The following HTR2B variants were observed in gnomAD, a reference collection of about 807,000 sequenced individuals.
HTR2B encodes 5-HT 2B receptor.
In HTR2B, 31 loss-of-function variants were observed where a neutral mutation model predicts 39.8. The ratio of observed to expected loss-of-function variants is 0.78; its 90% CI spans 0.58 to 1.05. The LOEUF is 1.05. HTR2B is among the 50% of genes least tolerant of loss of function. HTR2B has a pLI of 0.00. For synonymous variants in HTR2B, 210 were observed against 207.1 expected (o/e 1.01, Z -0.12); for missense variants, 562 against 578.0 (o/e 0.97, Z 0.28).
intron 2 of HTR2B, among the ~76,000 whole-genome samples, chr2:231,121,426 TA>T (rs1298174652): frequency 1.3e-5 from 2 of 152,172 alleles, no homozygotes; most frequent in South Asian, 4.1e-4. Flanking sequence ...GAAATAATAT[TA>T]AAATGTCTAT....
intron 2 of HTR2B, 91 bp from the exon 3 acceptor site, chr2:231,114,020 T>G: frequency 1.0e-6 from 1 of 983,994 alleles, no homozygotes; most frequent in South Asian, 1.4e-5. Flanking sequence ...TTTTGTCTTT[T>G]TTGTTACTCA....
At position 231,109,535 on chromosome 2, in the gene HTR2B, A is replaced by G. The variant is rs150969444; in HGVS notation, c.554-126T>C. The G allele has an allele frequency of 1.7e-3, 1,394 of 800,028 alleles. 44 individuals carry two copies. The East Asian group carries it at 0.036, about 21-fold the overall frequency. 49.6% of individuals were successfully genotyped at this position (800,028 alleles called of 1,614,324 possible). On this transcript the variant is annotated intron_variant, in intron 3 of 3. Transcript: ENST00000258400. ...TGCATTATAATTCCTGGGACCCACA[A>G]TGCAGGATTTGTCGAAGCATTCATC...
At chr2:231,117,962 G>A (rs1049837645) in intron 2 of HTR2B, among the ~76,000 whole-genome samples, 1 of 152,084 alleles carries the variant, frequency 6.6e-6, no homozygotes, top group African/African-American at 2.4e-5. Context: ...GTTTTGGCTG[G>A]TCAGATTTCT....
At position 231,116,284 on chromosome 2, in the gene HTR2B, C is replaced by A. The variant is rs970316003; in HGVS notation, c.353-2355G>T. ...TGAGGGTACATCTTGAGCTGAAGTT[C>A]TAGATTTAGGACTGTAAGTAGGGTG... On this transcript the variant is annotated intron_variant, in intron 2 of 3. Transcript: ENST00000258400. 3.3e-5 allele frequency among the ~76,000 whole-genome samples: 5 copies of A among 152,158 alleles called. No individual in the cohort carries two copies. The East Asian group carries it at 5.8e-4, about 18-fold the overall frequency.
rs142505353 is a variant in HTR2B, at chr2:231,109,463, C to T, written c.554-54G>A. 2,112 of 1,428,064 alleles carry T rather than the reference C, an allele frequency of 1.5e-3. 30 individuals are homozygous for T. The African/African-American group carries it at 0.026, about 17-fold the overall frequency. 88.5% of individuals were successfully genotyped at this position (1,428,064 alleles called of 1,614,324 possible). ...AGTCATTTTATGACCTGTAACTCTT[C>T]GATTAGATCCTTTTGGATTGTATCC... On this transcript the variant is annotated intron_variant, in intron 3 of 3. Coordinates refer to ENST00000258400, the MANE Select transcript of HTR2B (RefSeq NM_000867.5).
chr2:231,119,637 G>A (rs760847356), intron 2 of HTR2B, among the ~76,000 whole-genome samples: 4 of 152,014 alleles, frequency 2.6e-5, no homozygotes, highest in Non-Finnish European at 5.9e-5. Flanking sequence ...TTGGGAGGCC[G>A]AGGCAGGTGG....
In HTR2B at chr2:231,123,516, C is replaced by A; in HGVS notation, c.249G>T (p.Lys83Asn). 6.2e-7 allele frequency: 1 copy of A among 1,614,038 alleles called. No homozygotes were observed. The change falls in exon 2 of 4, where the codon AAG becomes AAT. Residue 83 changes from lysine (K) to asparagine (N), a missense_variant. Physicochemically the swap from Lys to Asn is moderately conservative, Grantham distance 94 (BLOSUM62 0). Transcript: ENST00000258400. ...AGTAATTAGTAGCATACTGCAGCTT[C>A]TTCTCCAGTGAAACAGCCAGAATAA... The part of the protein sequence containing the change: ...TLVILAVSLE[K>N]KLQYATNYFL...
chr2:231,108,657 C>T lies in HTR2B; in HGVS notation c.1306G>A (p.Gly436Arg). Residue 436 changes from glycine to arginine, a missense_variant, in exon 4 of 4, where the codon GGG becomes AGG. Coordinates refer to ENST00000258400, the MANE Select transcript of HTR2B (RefSeq NM_000867.5). The part of the protein sequence containing the change: ...KFFKKHGIRN[G>R]INPAMYQSPM... ...CTCTGGTACATGGCAGGGTTAATCC[C>T]ATTTCGAATTCCATGTTTCTTGAAA... 1 of 1,614,078 alleles carries T rather than the reference C, an allele frequency of 6.2e-7. No homozygotes were observed. Among genetic ancestry groups the T allele is most frequent in the South Asian group, 1.1e-5 (1 of 91,080 alleles).
rs1425479673 is a variant in HTR2B at position 231,123,882 on chromosome 2, T to G, written c.-118A>C. ...CATGCCAAACACTCAAAAGCCAAAG[T>G]TGACACCTTCCTTTAAAAAAAAAAA... is the stretch of plus-strand genomic sequence containing the variant. On this transcript the variant is annotated 5_prime_UTR_variant, in exon 2 of 4. Coordinates refer to ENST00000258400, the MANE Select transcript of HTR2B (RefSeq NM_000867.5). The G allele has an allele frequency of 1.2e-5, 10 of 805,698 alleles. No individual in the cohort carries two copies. In the African/African-American group the frequency reaches 1.4e-4, roughly 11 times the overall value. The allele number at this position is 805,698 out of a possible 1,614,324, so 49.9% of individuals were successfully genotyped here. A position where few individuals can be genotyped will look rare whatever the true frequency, so the allele number is the denominator to read the frequency against.
chr2:231,113,748 C>T lies in HTR2B; in HGVS notation c.534G>A (p.Val178=). Residue 178 remains valine, a synonymous_variant, in exon 3 of 4, where the codon GTG becomes GTA. Coordinates refer to ENST00000258400, the MANE Select transcript of HTR2B (RefSeq NM_000867.5). ...ACATACCTATTGAAATTAACCACAC[C>T]ACTGTAATCTTGATGAATGCTGTAG... The part of the protein sequence containing the change: ...SRATAFIKIT[V]VWLISIGIAI... 6.2e-7 allele frequency: 1 copy of T among 1,613,980 alleles called. No individual in the cohort carries two copies.
intron 2 of HTR2B, among the ~76,000 whole-genome samples, chr2:231,123,102 CT>C (rs1695602417): frequency 6.6e-6 from 1 of 151,920 alleles, no homozygotes; most frequent in Non-Finnish European, 1.5e-5. Flanking sequence ...AAGTATAGGC[CT>C]ATTTACTATA....
intron 3 of HTR2B, among the ~76,000 whole-genome samples, chr2:231,110,018 T>A (rs1029724503): frequency 9.9e-5 from 15 of 152,228 alleles, no homozygotes; most frequent in Middle Eastern, 3.2e-3. Context: ...GTTCTTAATC[T>A]TTCTTCTTCT....
At chr2:231,123,100 G>T (rs1695602228) in intron 2 of HTR2B, among the ~76,000 whole-genome samples, 1 of 152,000 alleles carries the variant, frequency 6.6e-6, no homozygotes, top group African/African-American at 2.4e-5. Flanking sequence ...TAAAGTATAG[G>T]CCTATTTACT....
intron 2 of HTR2B, 78 bp from the exon 3 acceptor site, chr2:231,114,007 A>G: frequency 8.7e-7 from 1 of 1,153,446 alleles, no homozygotes. Context: ...CAGGTGATAC[A>G]TCTTTTGTCT....
rs1035771107 is a variant in HTR2B, at chr2:231,119,616, A to G, written c.352+3797T>C. 5.9e-5 allele frequency among the ~76,000 whole-genome samples: 9 copies of G among 152,176 alleles called. No individual in the cohort carries two copies. In the South Asian group the frequency reaches 1.9e-3, roughly 32 times the overall value. Reference sequence around the variant, plus strand: ...CCAGGTTTGGTGGCTCATGTCTGTAATCCCAACACTTTGGGAGGCCGAGGC... The same window carrying G: ...CCAGGTTTGGTGGCTCATGTCTGTAGTCCCAACACTTTGGGAGGCCGAGGC... On this transcript the variant is annotated intron_variant, in intron 2 of 3. Coordinates refer to ENST00000258400, the MANE Select transcript of HTR2B (RefSeq NM_000867.5).
At chr2:231,115,162 G>A (rs28421240) in intron 2 of HTR2B, among the ~76,000 whole-genome samples, 12,453 of 151,950 alleles carry the variant, frequency 0.082, 643 homozygotes, top group South Asian at 0.21. Flanking sequence ...AAGGAGCCTG[G>A]GGGTGGAGAG....
At position 231,109,283 on chromosome 2, in the gene HTR2B, A is replaced by G. The variant is rs1316228686; in HGVS notation, c.680T>C (p.Phe227Ser). The G allele has an allele frequency of 6.2e-7, 1 of 1,614,044 alleles. No individual in the cohort carries two copies. The highest frequency in any genetic ancestry group is 1.3e-5 in the African/African-American group (1 of 74,942). ...GACAATCATAATTGCAAGAGGTGTG[A>G]AGAAGGCAGCCAGTGAGCCAAAGAG... ...FMLFGSLAAFFTPLAIMIVTY... is the reference protein window; with the variant it reads ...FMLFGSLAAFSTPLAIMIVTY... The change falls in exon 4 of 4, where the codon TTC becomes TCC. Residue 227 changes from phenylalanine to serine, a missense_variant. Physicochemically the swap from Phe to Ser is radical, Grantham distance 155. Transcript: ENST00000258400.
Position 231,123,519 on chromosome 2 carries a change from C to A in HTR2B, c.246G>T (p.Glu82Asp). ...AATTAGTAGCATACTGCAGCTTCTT[C>A]TCCAGTGAAACAGCCAGAATAACAA... ...NTLVILAVSL[E>D]KKLQYATNYF... The change falls in exon 2 of 4, where the codon GAG (glutamate) becomes GAT (aspartate). Residue 82 changes from glutamate (E) to aspartate (D), a missense_variant. Glu to Asp is a conservative substitution (Grantham distance 45). Transcript: ENST00000258400. 6.2e-7 allele frequency: 1 copy of A among 1,614,068 alleles called. No homozygotes were observed. Among genetic ancestry groups the A allele is most frequent in the Non-Finnish European group, 8.5e-7 (1 of 1,179,920 alleles).
intron 2 of HTR2B, among the ~76,000 whole-genome samples, chr2:231,123,086 A>C (rs1306066928): frequency 1.3e-5 from 2 of 152,202 alleles, no homozygotes; most frequent in Non-Finnish European, 2.9e-5. Flanking sequence ...CAGTGTAGAA[A>C]AGTTAAAGTA....
Sources: allele counts gnomAD v4.1 joint callset (sites outside exome capture counted in the v4.1 genomes callset), GRCh38; gene constraint gnomAD v4.1.1; transcripts MANE v1.5; gene names NCBI Gene and HGNC (gene_info 2026-07-23, HGNC 2026-07-21).